Variants in OTOGL observed in about 807,000 individuals in gnomAD.
The protein encoded by OTOGL is otogelin like, also known as otogelin-like protein.
OTOGL carries 285 observed loss-of-function variants against 318.5 expected under a neutral mutation model. That is an observed-to-expected ratio of 0.89 (90% confidence interval 0.81 to 0.99). The LOEUF is 0.99. Ranked by LOEUF, OTOGL falls within the 50% of genes least tolerant of loss-of-function variation. OTOGL has a pLI of 0.00. For synonymous variants in OTOGL, 987 were observed against 936.5 expected (o/e 1.05, Z -0.99); for missense variants, 2,899 against 2,845.6 (o/e 1.02, Z -0.43).
intron 1 of OTOGL, among the ~76,000 whole-genome samples, chr12:80,201,827 T>G (rs1876477613): frequency 6.6e-6 from 1 of 152,164 alleles, no homozygotes; most frequent in Non-Finnish European, 1.5e-5. Context: ...TCTACCTCAC[T>G]AGGAGGTATA....
chr12:80,125,770 G>T (rs1363568928), intron 1 of OTOGL, among the ~76,000 whole-genome samples: 1 of 151,994 alleles, frequency 6.6e-6, no homozygotes, highest in Non-Finnish European at 1.5e-5. Flanking sequence ...GTCTTCGGAG[G>T]GTGTATGTGT....
chr12:80,374,838 T>C (rs1047171128), intron 57 of OTOGL, among the ~76,000 whole-genome samples: 68 of 152,242 alleles, frequency 4.5e-4, no homozygotes, highest in Non-Finnish European at 3.4e-4. Context: ...ATGACCACTA[T>C]GGCCTGCCAC....
intron 26 of OTOGL, among the ~76,000 whole-genome samples, chr12:80,282,484 G>A (rs1047435439): frequency 6.6e-6 from 1 of 151,240 alleles, no homozygotes; most frequent in Non-Finnish European, 1.5e-5. Context: ...ACCTAGGAAT[G>A]GATTTGGCAG....
chr12:80,257,189 T>G (rs1248023529), intron 17 of OTOGL, among the ~76,000 whole-genome samples: 1 of 152,120 alleles, frequency 6.6e-6, no homozygotes, highest in Non-Finnish European at 1.5e-5. Flanking sequence ...CTAGGGAAGT[T>G]GAACTTGATA....
chr12:80,299,409 C>G (rs2137722192), intron 27 of OTOGL, among the ~76,000 whole-genome samples: 1 of 152,250 alleles, frequency 6.6e-6, no homozygotes, highest in South Asian at 2.1e-4. Context: ...TGCAACTCCA[C>G]ATAACTTTCG....
chr12:80,112,729 G>A (rs1388970711), intron 1 of OTOGL, among the ~76,000 whole-genome samples: 1 of 118,864 alleles, frequency 8.4e-6, no homozygotes, highest in African/African-American at 3.2e-5. Flanking sequence ...TTTTTGTTGT[G>A]TCTCTGCCAG....
In OTOGL at chr12:80,370,648, A is replaced by G. The variant is rs1890823939; in HGVS notation, c.6694A>G (p.Thr2232Ala). 1 of 1,596,518 alleles carries G rather than the reference A, an allele frequency of 6.3e-7. No individual in the cohort carries two copies. Among genetic ancestry groups the G allele is most frequent in the Non-Finnish European group, 8.6e-7 (1 of 1,168,796 alleles). ...TDEGAIILNY[T>A]MVCPPFNETE... is the part of the protein sequence containing the mutation. ...TGAAGGAGCAATAATTCTGAACTAC[A>G]CAATGGTCTGTCCCCCTTTTAATGA... The change falls in exon 56 of 59, where the codon ACA (threonine) becomes GCA (alanine). Residue 2232 changes from threonine (T) to alanine (A), a missense_variant. By Grantham distance (58) the Thr-to-Ala change is moderately conservative. Coordinates refer to ENST00000547103, the MANE Select transcript of OTOGL (RefSeq NM_001378609.3).
At chr12:80,212,487 CT>C (rs1206469135) in intron 4 of OTOGL, among the ~76,000 whole-genome samples, 8 of 151,982 alleles carry the variant, frequency 5.3e-5, no homozygotes, top group Non-Finnish European at 8.8e-5. Flanking sequence ...GAATAGGTAA[CT>C]TTTTTTTGGA....
chr12:80,363,635 A>G (rs552985684), intron 52 of OTOGL, among the ~76,000 whole-genome samples: 3 of 152,298 alleles, frequency 2.0e-5, no homozygotes, highest in Admixed American at 2.0e-4. Flanking sequence ...AGGTCCTTGG[A>G]CAAACATTAC....
chr12:80,163,060 A>G (rs1450513942), intron 1 of OTOGL, among the ~76,000 whole-genome samples: 1 of 152,154 alleles, frequency 6.6e-6, no homozygotes, highest in East Asian at 1.9e-4. Context: ...TGGATACATC[A>G]TAATTATCTA....
At chr12:80,266,701 GA>G in intron 21 of OTOGL, 85 bp downstream of exon 21, 2 of 1,308,462 alleles carry the variant, frequency 1.5e-6, no homozygotes, top group Non-Finnish European at 2.1e-6. Flanking sequence ...GGAAGTTTTT[GA>G]AAAAAATATT....
intron 42 of OTOGL, among the ~76,000 whole-genome samples, chr12:80,337,615 C>A (rs1457839832): frequency 6.6e-6 from 1 of 151,818 alleles, no homozygotes; most frequent in Non-Finnish European, 1.5e-5. Flanking sequence ...TATGTGTTTG[C>A]CAAACAGGAG....
At chr12:80,350,174 G>T (rs1889456733) in intron 44 of OTOGL, among the ~76,000 whole-genome samples, 1 of 152,066 alleles carries the variant, frequency 6.6e-6, no homozygotes, top group Admixed American at 6.6e-5. Context: ...CCTGTGCCTG[G>T]CTTATTTCAC....
intron 40 of OTOGL, 89 bp downstream of exon 40, chr12:80,336,644 A>G (rs1189303685): frequency 9.5e-6 from 14 of 1,471,288 alleles, no homozygotes; most frequent in African/African-American, 1.4e-5. Flanking sequence ...AGGAGGAGGG[A>G]GCTCAAGAAC....
intron 1 of OTOGL, among the ~76,000 whole-genome samples, chr12:80,136,101 T>C (rs768098706): frequency 2.0e-5 from 3 of 152,260 alleles, no homozygotes; most frequent in Non-Finnish European, 4.4e-5. Context: ...CTGGAAAACC[T>C]TGATGAATAC....
chr12:80,286,562 G>A (rs1191399764), intron 26 of OTOGL, among the ~76,000 whole-genome samples: 1 of 152,112 alleles, frequency 6.6e-6, no homozygotes, highest in East Asian at 1.9e-4. Flanking sequence ...CTTGTTATTG[G>A]TCTATTCAGG....
At chr12:80,103,499 ACTTT>A (rs1479724477) in intron 1 of OTOGL, among the ~76,000 whole-genome samples, 2 of 152,052 alleles carry the variant, frequency 1.3e-5, no homozygotes, top group Non-Finnish European at 2.9e-5. Context: ...CTCAAATATC[ACTTT>A]CTTGACCCCA....
chr12:80,119,068 G>T (rs1210039891), intron 1 of OTOGL, among the ~76,000 whole-genome samples: 1 of 152,118 alleles, frequency 6.6e-6, no homozygotes, highest in Non-Finnish European at 1.5e-5. Context: ...GAGCATGATT[G>T]TTTATATTCT....
intron 9 of OTOGL, among the ~76,000 whole-genome samples, chr12:80,236,315 G>T (rs1213066975): frequency 6.6e-6 from 1 of 152,054 alleles, no homozygotes; most frequent in African/African-American, 2.4e-5. Flanking sequence ...TCTCAAAAAT[G>T]TCCCAATATG....
Sources: gnomAD v4.1 joint callset for allele counts (sites outside exome capture counted in the v4.1 genomes callset) on GRCh38, gnomAD v4.1.1 for gene constraint, MANE v1.5 for transcripts, NCBI Gene and HGNC (gene_info 2026-07-23, HGNC 2026-07-21) for gene names.